Variants in SLC44A5 observed in about 807,000 individuals in gnomAD.
The protein encoded by SLC44A5 is solute carrier family 44 member 5.
Under a neutral mutation model 101.8 loss-of-function variants are expected in SLC44A5, and 57 were observed. That is an observed-to-expected ratio of 0.56 (90% CI 0.45 to 0.70). SLC44A5 has a LOEUF of 0.70. Ranked by LOEUF, SLC44A5 falls within the 30% of genes least tolerant of loss-of-function variation. The probability of loss-of-function intolerance (pLI) is 0.00; values close to 1 mark genes in which losing one functional copy is unlikely to be tolerated. For synonymous variants in SLC44A5, 281 were observed against 290.9 expected (o/e 0.97, Z 0.35); for missense variants, 737 against 853.1 (o/e 0.86, Z 1.70).
intron 2 of SLC44A5, among the ~76,000 whole-genome samples, chr1:75,475,041 C>T (rs1667306424): frequency 6.6e-6 from 1 of 152,232 alleles, no homozygotes; most frequent in African/African-American, 2.4e-5. Context: ...GTTATTCACA[C>T]ATCAGCAGGA....
chr1:75,214,420 GAAGC>G (rs773872427), intron 20 of SLC44A5, among the ~76,000 whole-genome samples, 181 bp downstream of exon 20: 7 of 152,102 alleles, frequency 4.6e-5, no homozygotes, highest in Non-Finnish European at 8.8e-5. Context: ...GTGGGTAATG[GAAGC>G]AACAATTCTC....
At chr1:75,290,795 C>A (rs574176156) in intron 5 of SLC44A5, among the ~76,000 whole-genome samples, 70 of 152,218 alleles carry the variant, frequency 4.6e-4, no homozygotes, top group African/African-American at 1.7e-3. Flanking sequence ...AAGTGACCAG[C>A]CTATTAAAGA....
At chr1:75,212,100 T>A (rs565214092) in intron 22 of SLC44A5, among the ~76,000 whole-genome samples, 14 of 152,276 alleles carry the variant, frequency 9.2e-5, no homozygotes, top group Non-Finnish European at 1.9e-4. Context: ...GCAAAGAGAT[T>A]TTGCCAATGA....
intron 1 of SLC44A5, among the ~76,000 whole-genome samples, chr1:75,541,979 G>A (rs1671376966): frequency 6.6e-6 from 1 of 151,924 alleles, no homozygotes; most frequent in Non-Finnish European, 1.5e-5. Context: ...TTAGGGCGAG[G>A]GGTTTTTTAA....
chr1:75,389,757 GAA>G (rs1483652450), intron 3 of SLC44A5, among the ~76,000 whole-genome samples: 1 of 152,006 alleles, frequency 6.6e-6, no homozygotes. Context: ...AGAGGAACTA[GAA>G]AAACAAGAAC....
At chr1:75,237,166 G>A in intron 10 of SLC44A5, 96 bp from the exon 11 acceptor site, 1 of 674,380 alleles carries the variant, frequency 1.5e-6, no homozygotes. Context: ...AGGTGCTGTT[G>A]AAAGCATGTT....
chr1:75,416,493 G>A (rs1663655029), intron 2 of SLC44A5, among the ~76,000 whole-genome samples: 1 of 152,238 alleles, frequency 6.6e-6, no homozygotes, highest in Non-Finnish European at 1.5e-5. Context: ...AAAGGGAAAT[G>A]TAGGATTGGA....
At chr1:75,374,198 C>T (rs763917893) in intron 3 of SLC44A5, among the ~76,000 whole-genome samples, 77 of 152,128 alleles carry the variant, frequency 5.1e-4, no homozygotes, top group Non-Finnish European at 1.0e-3. Flanking sequence ...CTGAGCAGGT[C>T]CCACAATCAT....
intron 4 of SLC44A5, 56 bp from the exon 5 acceptor site, chr1:75,300,741 T>G: frequency 5.1e-6 from 6 of 1,168,652 alleles, no homozygotes; most frequent in Non-Finnish European, 7.2e-6. Flanking sequence ...ACTTCCTGTT[T>G]CCTGCACAAA....
the SLC44A5 span, among the ~76,000 whole-genome samples, chr1:75,629,160 T>C: frequency 6.6e-6 from 1 of 152,122 alleles, no homozygotes; most frequent in Non-Finnish European, 1.5e-5. Context: ...GAAGCATGTG[T>C]AGTGCCTGAA....
At chr1:75,460,910 G>GT (rs35358153) in intron 2 of SLC44A5, among the ~76,000 whole-genome samples, 1 of 151,696 alleles carries the variant, frequency 6.6e-6, no homozygotes, top group African/African-American at 2.4e-5. Flanking sequence ...AATTTGAATG[G>GT]TTTTCCATTC....
intron 4 of SLC44A5, among the ~76,000 whole-genome samples, chr1:75,304,215 G>C (rs1317367781): frequency 1.3e-5 from 2 of 152,030 alleles, no homozygotes; most frequent in Non-Finnish European, 2.9e-5. Flanking sequence ...AATCTCCCCA[G>C]TAGTAGACAT....
At position 75,443,891 on chromosome 1, in the gene SLC44A5, A is replaced by G. The variant is rs1263561494; in HGVS notation, c.14-47270T>C. On this transcript the variant is annotated intron_variant, in intron 2 of 23. Coordinates refer to ENST00000370859, the MANE Select transcript of SLC44A5 (RefSeq NM_001130058.2). Reference sequence around the variant, plus strand: ...ATGAAAAGACCATTTAAAAATAGAAAAATTTATAAATGTTATTTTCACAGT... The same window carrying G: ...ATGAAAAGACCATTTAAAAATAGAAGAATTTATAAATGTTATTTTCACAGT... Among the ~76,000 whole-genome samples the G allele has an allele frequency of 2.0e-5, 3 of 152,254 alleles. No individual in the cohort carries two copies. The East Asian group carries it at 5.8e-4, about 29-fold the overall frequency.
chr1:75,615,481 G>C (rs1486052282), upstream of SLC44A5, among the ~76,000 whole-genome samples: 1 of 119,046 alleles, frequency 8.4e-6, no homozygotes, highest in East Asian at 2.0e-4. Flanking sequence ...ACACACACGA[G>C]AGGGAGAGAG....
At chr1:75,532,150 G>A (rs1670755436) in intron 2 of SLC44A5, among the ~76,000 whole-genome samples, 1 of 152,172 alleles carries the variant, frequency 6.6e-6, no homozygotes, top group East Asian at 1.9e-4. Context: ...CACTGGATTA[G>A]ACAATCAGTA....
intron 5 of SLC44A5, among the ~76,000 whole-genome samples, chr1:75,286,963 C>A (rs1653102645): frequency 6.6e-6 from 1 of 152,070 alleles, no homozygotes; most frequent in Admixed American, 6.6e-5. Context: ...GTTCTTTGAG[C>A]TTCCTGTATT....
intron 2 of SLC44A5, among the ~76,000 whole-genome samples, chr1:75,538,972 G>A (rs1671202091): frequency 6.6e-6 from 1 of 152,102 alleles, no homozygotes; most frequent in Non-Finnish European, 1.5e-5. Flanking sequence ...CTTGCCCCAG[G>A]AGCACCATGG....
chr1:75,338,413 C>T (rs904538770), intron 4 of SLC44A5, among the ~76,000 whole-genome samples: 1 of 152,290 alleles, frequency 6.6e-6, no homozygotes, highest in African/African-American at 2.4e-5. Context: ...TTTCCTCTTT[C>T]TAAATGTGTC....
At chr1:75,566,747 G>A (rs556846696) in intron 1 of SLC44A5, among the ~76,000 whole-genome samples, 160 of 152,288 alleles carry the variant, frequency 1.1e-3, no homozygotes, top group Non-Finnish European at 1.6e-3. Flanking sequence ...CAGCACAAAC[G>A]TAAATAAATG....
Sources: allele counts gnomAD v4.1 joint callset (sites outside exome capture counted in the v4.1 genomes callset), GRCh38; gene constraint gnomAD v4.1.1; transcripts MANE v1.5; gene names NCBI Gene and HGNC (gene_info 2026-07-23, HGNC 2026-07-21).